Variants in TTC29 observed in about 807,000 individuals in gnomAD.
TTC29 encodes the protein tetratricopeptide repeat domain 29.
In TTC29, 49 loss-of-function variants were observed where a neutral mutation model predicts 58.1. The observed-to-expected ratio is 0.84, with a 90% CI of 0.67 to 1.07. The LOEUF (loss-of-function observed/expected upper bound fraction) is 1.07, where lower values mean the gene tolerates loss of function less well. Ranked by LOEUF, TTC29 falls within the 50% of genes least tolerant of loss-of-function variation. The probability of loss-of-function intolerance (pLI) is 0.00; values close to 1 mark genes in which losing one functional copy is unlikely to be tolerated. For synonymous variants in TTC29, 209 were observed against 196.8 expected, an observed-to-expected ratio of 1.06 and a Z score of -0.52; for missense variants, 582 against 555.6, an observed-to-expected ratio of 1.05 and a Z score of -0.48.
intron 11 of TTC29, among the ~76,000 whole-genome samples, chr4:146,720,985 T>C (rs974145682): frequency 2.6e-5 from 4 of 152,108 alleles, no homozygotes; most frequent in African/African-American, 9.7e-5. Flanking sequence ...TCAAATTAGA[T>C]AGATTCAGAG....
chr4:146,924,277 T>C (rs910417797), intron 4 of TTC29, among the ~76,000 whole-genome samples: 2 of 151,848 alleles, frequency 1.3e-5, no homozygotes, highest in African/African-American at 4.8e-5. Flanking sequence ...AGAGAATTAG[T>C]TGAGAACTGT....
chr4:146,743,139 TC>T (rs1437203521), intron 11 of TTC29, among the ~76,000 whole-genome samples: 4 of 152,008 alleles, frequency 2.6e-5, no homozygotes, highest in African/African-American at 9.7e-5. Flanking sequence ...TAGAAAACAT[TC>T]TCGGTGACAC....
intron 9 of TTC29, among the ~76,000 whole-genome samples, chr4:146,821,983 GTGT>G (rs763458083): frequency 1.0e-5 from 1 of 96,554 alleles, no homozygotes; most frequent in Non-Finnish European, 1.9e-5. Flanking sequence ...AACATGTCTA[GTGT>G]TTTTTTTTTT....
intron 11 of TTC29, among the ~76,000 whole-genome samples, chr4:146,732,574 G>A (rs1744419186): frequency 6.6e-6 from 1 of 152,076 alleles, no homozygotes; most frequent in African/African-American, 2.4e-5. Flanking sequence ...AAAAGTTTTG[G>A]GTTTAACTGG....
chr4:146,736,162 G>A (rs554071520), intron 11 of TTC29, among the ~76,000 whole-genome samples: 2 of 152,008 alleles, frequency 1.3e-5, no homozygotes, highest in Admixed American at 1.3e-4. Flanking sequence ...CGATAGTCAA[G>A]CAGATTAATC....
At chr4:146,887,798 C>T (rs755213649) in intron 6 of TTC29, among the ~76,000 whole-genome samples, 2 of 152,072 alleles carry the variant, frequency 1.3e-5, no homozygotes, top group Non-Finnish European at 2.9e-5. Flanking sequence ...TCTTCTTGGA[C>T]ATCAATTTTT....
chr4:146,876,411 T>C (rs991440621), intron 6 of TTC29, among the ~76,000 whole-genome samples: 1 of 152,188 alleles, frequency 6.6e-6, no homozygotes, highest in African/African-American at 2.4e-5. Context: ...TCATGACATA[T>C]TAAATTAACC....
At chr4:146,804,220 T>G (rs2150120217) in intron 10 of TTC29, among the ~76,000 whole-genome samples, 1 of 152,242 alleles carries the variant, frequency 6.6e-6, no homozygotes, top group South Asian at 2.1e-4. Flanking sequence ...GTGGCCCAGG[T>G]ATTATGCTTT....
intron 11 of TTC29, among the ~76,000 whole-genome samples, chr4:146,737,593 G>C (rs111789155): frequency 1.5e-4 from 22 of 145,272 alleles, no homozygotes; most frequent in African/African-American, 4.4e-4. Flanking sequence ...GTAGCCCTGG[G>C]GGGGGGGGGG....
chr4:146,727,338 TA>T (rs1743871525), intron 11 of TTC29, among the ~76,000 whole-genome samples: 1 of 152,218 alleles, frequency 6.6e-6, no homozygotes, highest in South Asian at 2.1e-4. Flanking sequence ...TGGATGAACC[TA>T]CCTTGACAAA....
At chr4:146,761,268 A>G (rs1029222157) in intron 11 of TTC29, among the ~76,000 whole-genome samples, 3 of 152,088 alleles carry the variant, frequency 2.0e-5, no homozygotes, top group Non-Finnish European at 4.4e-5. Flanking sequence ...ACATCATTCA[A>G]TCACAAATAT....
At chr4:146,880,641 G>C (rs1214345864) in intron 6 of TTC29, among the ~76,000 whole-genome samples, 1 of 152,102 alleles carries the variant, frequency 6.6e-6, no homozygotes, top group Non-Finnish European at 1.5e-5. Context: ...AAGCAAAGGA[G>C]AATGTATATG....
At chr4:146,903,810 T>A (rs1021787104) in intron 5 of TTC29, 81 bp from the exon 6 acceptor site, 1 of 1,026,634 alleles carries the variant, frequency 9.7e-7, no homozygotes, top group African/African-American at 1.7e-5. Flanking sequence ...ACCAATATCA[T>A]GACTTCCTAT....
At chr4:146,865,039 G>A (rs115570988) in intron 8 of TTC29, among the ~76,000 whole-genome samples, 194 of 152,160 alleles carry the variant, frequency 1.3e-3, no homozygotes, top group Middle Eastern at 3.4e-3. Context: ...TTTGCCCAGT[G>A]TCACACAGTT....
At chr4:146,736,001 T>C (rs181102769) in intron 11 of TTC29, among the ~76,000 whole-genome samples, 7 of 152,244 alleles carry the variant, frequency 4.6e-5, no homozygotes. Context: ...TACAATACTA[T>C]CGAAGATTGG....
intron 6 of TTC29, among the ~76,000 whole-genome samples, chr4:146,875,656 T>TC (rs1486063198): frequency 2.0e-4 from 31 of 152,184 alleles, no homozygotes; most frequent in Non-Finnish European, 1.3e-4. Flanking sequence ...AAACTTCAAA[T>TC]CCAAACATTA....
At chr4:146,741,766 TGGATTA>T (rs1343721782) in intron 11 of TTC29, among the ~76,000 whole-genome samples, 1 of 152,206 alleles carries the variant, frequency 6.6e-6, no homozygotes, top group African/African-American at 2.4e-5. Context: ...TTGCCCTTTC[TGGATTA>T]TCCTTTCTTT....
chr4:146,740,570 A>G (rs1420350463), intron 11 of TTC29, among the ~76,000 whole-genome samples: 1 of 152,170 alleles, frequency 6.6e-6, no homozygotes, highest in Non-Finnish European at 1.5e-5. Context: ...AACAGTATTC[A>G]GTGAACAACT....
chr4:146,745,912 G>A (rs1314552403), intron 11 of TTC29, among the ~76,000 whole-genome samples: 1 of 152,202 alleles, frequency 6.6e-6, no homozygotes, highest in Non-Finnish European at 1.5e-5. Context: ...GAAAGAATGG[G>A]CACTGTTATC....
Sources: allele counts gnomAD v4.1 joint callset (sites outside exome capture counted in the v4.1 genomes callset), GRCh38; gene constraint gnomAD v4.1.1; transcripts MANE v1.5; gene names NCBI Gene and HGNC (gene_info 2026-07-23, HGNC 2026-07-21).